The following RUNDC3B variants were observed in gnomAD, a reference collection of about 807,000 sequenced individuals.
RUNDC3B encodes RUN domain-containing protein 3B.
Under a neutral mutation model 58.4 loss-of-function variants are expected in RUNDC3B, and 33 were observed. The ratio of observed to expected loss-of-function variants is 0.56; its 90% CI spans 0.43 to 0.75. The LOEUF is 0.75. Among genes scored for constraint, RUNDC3B ranks in the 30% least tolerant of loss-of-function variants. The pLI is 0.00. For missense variants in RUNDC3B, 501 were observed against 535.7 expected (o/e 0.94, Z 0.64); for synonymous variants, 193 against 195.2 (o/e 0.99, Z 0.10).
chr7:87,736,889 A>ATTTT lies in RUNDC3B; in HGVS notation c.459-2879_459-2876dup, dbSNP rs869109911. 8.1e-4 allele frequency among the ~76,000 whole-genome samples: 23 copies of ATTTT among 28,226 alleles called. 1 individual carries two copies. Among genetic ancestry groups the ATTTT allele is most frequent in the Admixed American group, 1.6e-3 (2 of 1,278 alleles). The allele number at this position is 28,226 out of a possible 152,430, so 18.5% of individuals were successfully genotyped here. ...TATATATATATATATATATATATAT[A>ATTTT]TTTTTTTTTTTTTTTTTTTTTTTTT... On this transcript the variant is annotated intron_variant, in intron 4 of 10. Coordinates refer to ENST00000394654, the MANE Select transcript of RUNDC3B (RefSeq NM_001134405.2).
intron 6 of RUNDC3B, among the ~76,000 whole-genome samples, chr7:87,750,964 T>C (rs1363756346): frequency 2.0e-5 from 3 of 152,224 alleles, no homozygotes; most frequent in Non-Finnish European, 4.4e-5. Flanking sequence ...CATGCCTATA[T>C]CCTGAATGGT....
intron 8 of RUNDC3B, among the ~76,000 whole-genome samples, chr7:87,793,873 T>A (rs929348109): frequency 1.3e-5 from 2 of 152,072 alleles, no homozygotes; most frequent in Non-Finnish European, 2.9e-5. Context: ...TCATCCAAGT[T>A]GGAAAGAAAA....
intron 8 of RUNDC3B, among the ~76,000 whole-genome samples, chr7:87,797,951 G>A (rs367833960): frequency 6.6e-6 from 1 of 152,202 alleles, no homozygotes; most frequent in Non-Finnish European, 1.5e-5. Flanking sequence ...AGTGACAGCA[G>A]CTGAATCAAA....
In RUNDC3B at chr7:87,734,307, C is replaced by G. The variant is rs368272583; in HGVS notation, c.459-5484C>G. ...CTCCTAGGTGCATGTGTGTCTATATCCATACAGTGGAATGTTATTCAGGCA... is the reference window on the plus strand; with the variant it reads ...CTCCTAGGTGCATGTGTGTCTATATGCATACAGTGGAATGTTATTCAGGCA... On this transcript the variant is annotated intron_variant, in intron 4 of 10. Coordinates refer to ENST00000394654, the MANE Select transcript of RUNDC3B (RefSeq NM_001134405.2). Among the ~76,000 whole-genome samples, 104 of 152,200 alleles carry G rather than the reference C, an allele frequency of 6.8e-4. 1 individual carries two copies. The East Asian group carries it at 0.013, about 19-fold the overall frequency.
intron 8 of RUNDC3B, among the ~76,000 whole-genome samples, chr7:87,782,674 A>G (rs1834999792): frequency 6.6e-6 from 1 of 151,932 alleles, no homozygotes; most frequent in South Asian, 2.1e-4. Context: ...TCTCTTTTTC[A>G]TTTATTTTAA....
chr7:87,652,724 A>T (rs963412948), intron 2 of RUNDC3B, among the ~76,000 whole-genome samples: 1 of 150,450 alleles, frequency 6.6e-6, no homozygotes, highest in Non-Finnish European at 1.5e-5. Context: ...TTCATATATT[A>T]TTTCCTATTT....
intron 4 of RUNDC3B, among the ~76,000 whole-genome samples, chr7:87,720,928 T>TACATAGTTA: frequency 1.5e-3 from 1 of 652 alleles, no homozygotes; most frequent in Non-Finnish European, 3.7e-3. Context: ...TATAATATTT[T>TACATAGTTA]AAATAGTTAA....
At chr7:87,787,993 A>G (rs1835312591) in intron 8 of RUNDC3B, among the ~76,000 whole-genome samples, 1 of 152,184 alleles carries the variant, frequency 6.6e-6, no homozygotes, top group Non-Finnish European at 1.5e-5. Context: ...ATTTGTATGT[A>G]CCATGCCTGT....
At position 87,771,261 on chromosome 7, in the gene RUNDC3B, A is replaced by T. The variant is rs1024340894; in HGVS notation, c.798+512A>T. Among the ~76,000 whole-genome samples, 3 of 152,054 alleles carry T rather than the reference A, an allele frequency of 2.0e-5. No individual in the cohort carries two copies. In the South Asian group the frequency reaches 6.2e-4, roughly 32 times the overall value. Reference sequence around the variant, plus strand: ...CTTCTTTTAATATCATTATTCATAGATGATATATATATATAAGGAAAGCCC... The same window carrying T: ...CTTCTTTTAATATCATTATTCATAGTTGATATATATATATAAGGAAAGCCC... On this transcript the variant is annotated intron_variant, in intron 7 of 10. Coordinates refer to ENST00000394654, the MANE Select transcript of RUNDC3B (RefSeq NM_001134405.2).
At chr7:87,673,971 T>G (rs1325943263) in intron 2 of RUNDC3B, among the ~76,000 whole-genome samples, 3 of 152,152 alleles carry the variant, frequency 2.0e-5, no homozygotes, top group African/African-American at 7.2e-5. Context: ...AAGATTTTAG[T>G]GGGCCAAGGC....
intron 3 of RUNDC3B, among the ~76,000 whole-genome samples, chr7:87,703,077 A>G (rs774443540): frequency 6.6e-6 from 1 of 152,216 alleles, no homozygotes; most frequent in Non-Finnish European, 1.5e-5. Flanking sequence ...TGAAACATTA[A>G]GTAGAAAATA....
intron 3 of RUNDC3B, among the ~76,000 whole-genome samples, chr7:87,703,098 A>T (rs1829238476): frequency 6.6e-6 from 1 of 152,340 alleles, no homozygotes; most frequent in East Asian, 1.9e-4. Flanking sequence ...AAGATTGAAA[A>T]TTGATATTTA....
In RUNDC3B at chr7:87,830,103, C is replaced by T. The variant is rs796955969; in HGVS notation, c.*73C>T. 15 of 952,848 alleles carry T rather than the reference C, an allele frequency of 1.6e-5. No homozygotes were observed. The highest frequency in any genetic ancestry group is 3.4e-5 in the African/African-American group (2 of 58,904). 59.0% of individuals were successfully genotyped at this position (952,848 alleles called of 1,614,324 possible). On this transcript the variant is annotated 3_prime_UTR_variant, in exon 11 of 11. Transcript: ENST00000394654. ...TTACATGTTTGACTGCTGGGAAGACCTTTGAAATTTTATATTGTTCTGGTA... is the reference window on the plus strand; with the variant it reads ...TTACATGTTTGACTGCTGGGAAGACTTTTGAAATTTTATATTGTTCTGGTA...
chr7:87,793,852 A>G (rs552221746), intron 8 of RUNDC3B, among the ~76,000 whole-genome samples: 1 of 152,298 alleles, frequency 6.6e-6, no homozygotes, highest in African/African-American at 2.4e-5. Context: ...GAGAAGGGAA[A>G]GAAACAAAGG....
chr7:87,647,335 T>C (rs898700112), intron 1 of RUNDC3B, among the ~76,000 whole-genome samples: 1 of 152,188 alleles, frequency 6.6e-6, no homozygotes, highest in African/African-American at 2.4e-5. Flanking sequence ...TCTTTTTTAT[T>C]AAAAATTCCC....
At chr7:87,802,474 T>C (rs1477035561) in intron 8 of RUNDC3B, among the ~76,000 whole-genome samples, 1 of 151,970 alleles carries the variant, frequency 6.6e-6, no homozygotes, top group African/African-American at 2.4e-5. Flanking sequence ...CAAAAAAAAT[T>C]AGAAAGAATA....
intron 6 of RUNDC3B, among the ~76,000 whole-genome samples, chr7:87,764,996 C>G (rs1304205766): frequency 6.6e-6 from 1 of 151,460 alleles, no homozygotes; most frequent in Non-Finnish European, 1.5e-5. Flanking sequence ...TTTTATTGGT[C>G]TGTTCAGGAT....
chr7:87,653,126 A>G (rs1281971224), intron 2 of RUNDC3B, among the ~76,000 whole-genome samples: 1 of 152,090 alleles, frequency 6.6e-6, no homozygotes, highest in Non-Finnish European at 1.5e-5. Flanking sequence ...TAATCTCTCA[A>G]TAAGATGTTG....
At chr7:87,806,824 A>G (rs571900748) in intron 8 of RUNDC3B, among the ~76,000 whole-genome samples, 1 of 152,268 alleles carries the variant, frequency 6.6e-6, no homozygotes, top group Admixed American at 6.5e-5. Flanking sequence ...CAGTCATGGG[A>G]TTCAAGCCAG....
Sources: gnomAD v4.1 joint callset for allele counts (sites outside exome capture counted in the v4.1 genomes callset) on GRCh38, gnomAD v4.1.1 for gene constraint, MANE v1.5 for transcripts, NCBI Gene and HGNC (gene_info 2026-07-23, HGNC 2026-07-21) for gene names.